CHRNA7: variants seen among roughly 807,000 people sequenced by gnomAD.
CHRNA7 encodes the protein neuronal acetylcholine receptor subunit alpha-7.
CHRNA7 carries 17 observed loss-of-function variants against 48.0 expected under a neutral mutation model. The observed-to-expected ratio is 0.35, with a 90% CI of 0.24 to 0.53. The LOEUF is 0.53. CHRNA7 is among the 20% of genes least tolerant of loss of function. The probability of loss-of-function intolerance (pLI) is 0.92; values close to 1 mark genes in which losing one functional copy is unlikely to be tolerated. For synonymous variants in CHRNA7, 75 were observed against 242.3 expected (o/e 0.31, Z 6.41); for missense variants, 155 against 577.7 (o/e 0.27, Z 7.50).
chr15:32,070,234 CCTCTGCAGTTCCT>C lies in CHRNA7; in HGVS notation c.196-31067_196-31055del, dbSNP rs571194385. Among the ~76,000 whole-genome samples, 40 of 151,864 alleles carry C rather than the reference CCTCTGCAGTTCCT, an allele frequency of 2.6e-4. No homozygotes were observed. In the East Asian group the frequency reaches 7.1e-3, roughly 27 times the overall value. On this transcript the variant is annotated intron_variant, in intron 2 of 9. Coordinates refer to ENST00000306901, the MANE Select transcript of CHRNA7 (RefSeq NM_000746.6). The stretch of plus-strand genomic sequence containing the variant: ...GTTTTGTTTTGTTTTGTTTTTTGCC[CCTCTGCAGTTCCT>C]CCCTTACACCTCAGCTTCCTCTAAC...
intron 2 of CHRNA7, among the ~76,000 whole-genome samples, chr15:32,056,463 T>C (rs1280700337): frequency 1.3e-5 from 2 of 152,238 alleles, no homozygotes; most frequent in Non-Finnish European, 2.9e-5. Context: ...AATGCATGAT[T>C]GTTTAACTGT....
intron 4 of CHRNA7, among the ~76,000 whole-genome samples, chr15:32,145,908 T>C (rs1468226863): frequency 6.6e-6 from 1 of 152,178 alleles, no homozygotes; most frequent in Non-Finnish European, 1.5e-5. Flanking sequence ...CTGCTTTGGC[T>C]TGCCCTCCGT....
At chr15:32,131,621 T>G (rs1195939704) in intron 4 of CHRNA7, among the ~76,000 whole-genome samples, 2 of 152,244 alleles carry the variant, frequency 1.3e-5, no homozygotes, top group Admixed American at 1.3e-4. Context: ...ATTATTATGA[T>G]TGAGGTTTTA....
At chr15:32,151,672 A>G (rs920442711) in intron 4 of CHRNA7, among the ~76,000 whole-genome samples, 4 of 152,202 alleles carry the variant, frequency 2.6e-5, no homozygotes, top group African/African-American at 4.8e-5. Flanking sequence ...AAGTTATTTC[A>G]TAAATCATAC....
intron 2 of CHRNA7, among the ~76,000 whole-genome samples, chr15:32,046,123 A>G (rs1319695241): frequency 5.3e-5 from 8 of 152,124 alleles, no homozygotes; most frequent in Non-Finnish European, 1.2e-4. Flanking sequence ...GGGCCACAAT[A>G]AACATACGTG....
In CHRNA7 at chr15:32,101,338, G is replaced by T. The variant is rs1398434960; in HGVS notation, c.231G>T (p.Trp77Cys). Residue 77 changes from tryptophan to cysteine, a missense_variant, in exon 3 of 10, where the codon TGG (tryptophan) becomes TGT (cysteine). Transcript: ENST00000306901. ...EKNQVLTTNI[W>C]LQMSWTDHYL... ...ACCAAGTTTTAACCACCAACATTTG[G>T]CTGCAAATGGTAAGTTAAGAGAATG... The T allele has an allele frequency of 1.9e-6, 3 of 1,588,008 alleles. No individual in the cohort carries two copies. The highest frequency in any genetic ancestry group is 4.6e-5 in the East Asian group (2 of 43,884).
intron 2 of CHRNA7, among the ~76,000 whole-genome samples, chr15:32,098,456 G>A (rs2050510439): frequency 6.8e-6 from 1 of 146,522 alleles, no homozygotes; most frequent in African/African-American, 2.4e-5. Flanking sequence ...TCTTTGAGAA[G>A]GGGGAAAGGG....
intron 4 of CHRNA7, among the ~76,000 whole-genome samples, chr15:32,122,542 T>G (rs574026856): frequency 6.6e-5 from 10 of 152,338 alleles, no homozygotes; most frequent in Non-Finnish European, 1.2e-4. Flanking sequence ...TATGGATCCT[T>G]TATGGCTTTG....
intron 2 of CHRNA7, among the ~76,000 whole-genome samples, chr15:32,034,467 T>C (rs1901990122): frequency 6.6e-6 from 1 of 152,166 alleles, no homozygotes; most frequent in African/African-American, 2.4e-5. Context: ...AAGCACACCT[T>C]ACAAGGGGGA....
At chr15:32,044,403 G>A (rs1256472923) in intron 2 of CHRNA7, among the ~76,000 whole-genome samples, 6 of 151,802 alleles carry the variant, frequency 4.0e-5, no homozygotes, top group Non-Finnish European at 5.9e-5. Flanking sequence ...TCAGCCTCCC[G>A]AGTAGCTGGA....
intron 2 of CHRNA7, among the ~76,000 whole-genome samples, chr15:32,049,123 T>G (rs2049615381): frequency 6.6e-6 from 1 of 151,558 alleles, no homozygotes; most frequent in African/African-American, 2.4e-5. Context: ...GTATATTCTG[T>G]TGATTTGGGG....
intron 2 of CHRNA7, among the ~76,000 whole-genome samples, chr15:32,085,899 A>G (rs1157472593): frequency 6.6e-6 from 1 of 152,202 alleles, no homozygotes; most frequent in Non-Finnish European, 1.5e-5. Flanking sequence ...GTGGCTTGCC[A>G]TCTGCTCCCT....
chr15:32,038,073 A>T (rs3060473), intron 2 of CHRNA7, among the ~76,000 whole-genome samples: 9 of 90,390 alleles, frequency 1.0e-4, no homozygotes, highest in Non-Finnish European at 2.2e-4. Flanking sequence ...TATATATATA[A>T]ATATACATAT....
At chr15:32,088,161 A>G (rs2050328384) in intron 2 of CHRNA7, among the ~76,000 whole-genome samples, 1 of 152,200 alleles carries the variant, frequency 6.6e-6, no homozygotes, top group Non-Finnish European at 1.5e-5. Context: ...TGCCTTTTGT[A>G]GAATGTCTTT....
intron 2 of CHRNA7, among the ~76,000 whole-genome samples, chr15:32,060,974 C>T (rs1417260191): frequency 1.3e-5 from 2 of 152,164 alleles, no homozygotes; most frequent in African/African-American, 4.8e-5. Flanking sequence ...GCTGCCTACC[C>T]GAGGAGCATT....
At chr15:32,054,482 T>C (rs11635941) in intron 2 of CHRNA7, among the ~76,000 whole-genome samples, 42,020 of 152,068 alleles carry the variant, frequency 0.28, 7,305 homozygotes, top group East Asian at 0.6. Flanking sequence ...AGAGTAGATA[T>C]ACACTAATGT....
intron 2 of CHRNA7, among the ~76,000 whole-genome samples, chr15:32,080,168 T>C (rs1238319161): frequency 6.6e-6 from 1 of 152,172 alleles, no homozygotes; most frequent in East Asian, 1.9e-4. Context: ...GATTAAAGAC[T>C]TAAATGTAAA....
intron 4 of CHRNA7, among the ~76,000 whole-genome samples, chr15:32,136,889 G>T (rs1414924302): frequency 6.7e-6 from 1 of 149,804 alleles, no homozygotes; most frequent in Non-Finnish European, 1.5e-5. Context: ...AAAATTAGCC[G>T]GGCGTGGTGG....
chr15:32,107,355 C>T (rs2050687729), intron 3 of CHRNA7, among the ~76,000 whole-genome samples: 1 of 151,894 alleles, frequency 6.6e-6, no homozygotes. Context: ...CCCTTCTCCC[C>T]CAGGTTCAAT....
Sources: allele counts gnomAD v4.1 joint callset (sites outside exome capture counted in the v4.1 genomes callset), GRCh38; gene constraint gnomAD v4.1.1; transcripts MANE v1.5; gene names NCBI Gene and HGNC (gene_info 2026-07-23, HGNC 2026-07-21).